The following CACNA1I variants were observed in gnomAD, a reference collection of about 807,000 sequenced individuals.
CACNA1I encodes the protein calcium voltage-gated channel subunit alpha1 I.
A neutral mutation model predicts 201.6 loss-of-function variants in CACNA1I; 74 were observed. The ratio of observed to expected loss-of-function variants is 0.37; its 90% CI spans 0.30 to 0.45. CACNA1I has a LOEUF of 0.45. CACNA1I is among the 20% of genes least tolerant of loss of function. CACNA1I has a pLI of 1.00. For missense variants in CACNA1I, 2,346 were observed against 3,138.1 expected (o/e 0.75, Z 6.03); for synonymous variants, 1,431 against 1,345.2 (o/e 1.06, Z -1.40).
At chr22:39,578,202 C>A (rs923177583) in intron 1 of CACNA1I, among the ~76,000 whole-genome samples, 2 of 152,060 alleles carry the variant, frequency 1.3e-5, no homozygotes, top group Non-Finnish European at 2.9e-5. Context: ...TGCAGAAGAC[C>A]TCCTCCCATC....
In CACNA1I at chr22:39,677,179, T is replaced by C. The variant is rs1340598243; in HGVS notation, c.4855-162T>C. 2.6e-5 allele frequency among the ~76,000 whole-genome samples: 4 copies of C among 152,152 alleles called. No homozygotes were observed. The highest frequency in any genetic ancestry group is 5.9e-5 in the Non-Finnish European group (4 of 68,022). ...TGCTGGACCCAGCCTGCCCTCCAGG[T>C]CCTGTAGGGGTGGCAGACGTGGACA... is the stretch of plus-strand genomic sequence containing the variant. On this transcript the variant is annotated intron_variant, in intron 29 of 36. Transcript: ENST00000402142. This position sits in a 1 kb window ranked among gnomAD's most constrained non-coding sequence, Gnocchi z 4.8.
intron 1 of CACNA1I, among the ~76,000 whole-genome samples, chr22:39,588,150 T>G: frequency 7.0e-6 from 1 of 143,490 alleles, no homozygotes; most frequent in African/African-American, 2.7e-5. Flanking sequence ...TTTTTTTTTT[T>G]GAGACAAAGT....
chr22:39,682,324 A>G (rs995754307), intron 34 of CACNA1I, among the ~76,000 whole-genome samples, 172 bp from the exon 35 acceptor site: 2 of 152,146 alleles, frequency 1.3e-5, no homozygotes, highest in African/African-American at 4.8e-5. Context: ...TCGGAGGTGG[A>G]TTCCTTTCAC....
chr22:39,680,439 G>T (rs1935669583), intron 33 of CACNA1I, among the ~76,000 whole-genome samples: 1 of 152,154 alleles, frequency 6.6e-6, no homozygotes, highest in African/African-American at 2.4e-5. Flanking sequence ...TGCAGGGCAG[G>T]TCCCCAGGAA....
intron 4 of CACNA1I, among the ~76,000 whole-genome samples, chr22:39,625,341 G>A (rs765804975): frequency 3.9e-5 from 6 of 152,110 alleles, no homozygotes; most frequent in South Asian, 2.1e-4. Context: ...GGTTGCCTGC[G>A]GTTTAAAAAT....
chr22:39,578,485 G>A (rs368445261), intron 1 of CACNA1I, among the ~76,000 whole-genome samples: 30 of 152,084 alleles, frequency 2.0e-4, no homozygotes, highest in East Asian at 1.7e-3. Flanking sequence ...CCCACGTGAC[G>A]ACTGGTACCA....
intron 1 of CACNA1I, among the ~76,000 whole-genome samples, chr22:39,572,407 A>G (rs952422741): frequency 2.0e-5 from 3 of 152,058 alleles, no homozygotes; most frequent in Non-Finnish European, 4.4e-5. Flanking sequence ...GAATCCAGGG[A>G]TGCCAGATGC....
At chr22:39,588,287 C>A (rs1382348039) in intron 1 of CACNA1I, among the ~76,000 whole-genome samples, 8 of 151,528 alleles carry the variant, frequency 5.3e-5, no homozygotes, top group Admixed American at 4.6e-4. Flanking sequence ...TACATGCCGG[C>A]AAACTCAGCT....
chr22:39,592,091 G>A (rs1003930631), intron 1 of CACNA1I, among the ~76,000 whole-genome samples: 3 of 152,222 alleles, frequency 2.0e-5, no homozygotes, highest in Non-Finnish European at 4.4e-5. Flanking sequence ...GGCCCAGGCT[G>A]TGCTGAGGCG....
chr22:39,574,372 G>C (rs977764670), intron 1 of CACNA1I, among the ~76,000 whole-genome samples: 14 of 152,114 alleles, frequency 9.2e-5, no homozygotes, highest in Non-Finnish European at 2.9e-5. Context: ...GGCCAAGGAG[G>C]GTTCCACAAA....
At chr22:39,671,845 C>T (rs1453045633) in intron 26 of CACNA1I, among the ~76,000 whole-genome samples, 3 of 152,150 alleles carry the variant, frequency 2.0e-5, no homozygotes, top group Admixed American at 6.5e-5. Context: ...TGCATACCAG[C>T]TTTCTAAGAT....
intron 1 of CACNA1I, among the ~76,000 whole-genome samples, chr22:39,595,203 T>G (rs1445410501): frequency 2.7e-5 from 4 of 150,482 alleles, no homozygotes; most frequent in African/African-American, 9.8e-5. Context: ...GCAAGGGAAT[T>G]GCCTGAACCT....
At chr22:39,575,690 C>T (rs1461186856) in intron 1 of CACNA1I, among the ~76,000 whole-genome samples, 1 of 152,150 alleles carries the variant, frequency 6.6e-6, no homozygotes, top group African/African-American at 2.4e-5. Flanking sequence ...AGCAGGGCAC[C>T]TCTGGCAGCT....
At chr22:39,661,939 C>T in intron 16 of CACNA1I, 26 bp from the exon 17 acceptor site, 1 of 1,450,100 alleles carries the variant, frequency 6.9e-7, no homozygotes. Flanking sequence ...CTGTGGGGCG[C>T]TGACCCGAAC....
At chr22:39,669,052 C>T (rs1177612498) in intron 24 of CACNA1I, among the ~76,000 whole-genome samples, 2 of 152,036 alleles carry the variant, frequency 1.3e-5, no homozygotes, top group African/African-American at 2.4e-5. Context: ...TAGCAGGGGT[C>T]CCTCTGGGGC....
rs192459245 is a variant in CACNA1I at position 39,655,921 on chromosome 22, C to T, written c.1993-2231C>T. Among the ~76,000 whole-genome samples, 277 of 152,290 alleles carry T rather than the reference C, an allele frequency of 1.8e-3. 1 individual carries two copies. The highest frequency in any genetic ancestry group is 3.3e-3 in the Non-Finnish European group (224 of 68,032). Reference sequence around the variant, plus strand: ...CCTGCATCCCTGGTAGGAGTGTGTGCGTGGCGCGCGCGGCTGGAGCCAGCT... The same window carrying T: ...CCTGCATCCCTGGTAGGAGTGTGTGTGTGGCGCGCGCGGCTGGAGCCAGCT... On this transcript the variant is annotated intron_variant, in intron 10 of 36. Coordinates refer to ENST00000402142, the MANE Select transcript of CACNA1I (RefSeq NM_021096.4).
At chr22:39,597,791 A>G (rs1291145013) in intron 1 of CACNA1I, among the ~76,000 whole-genome samples, 2 of 152,184 alleles carry the variant, frequency 1.3e-5, no homozygotes, top group Admixed American at 6.5e-5. Flanking sequence ...GGAGGCAGTG[A>G]CAGTCAGAGG....
chr22:39,685,807 C>T lies in CACNA1I; in HGVS notation c.6074C>T (p.Ala2025Val), dbSNP rs1320658468. The change falls in exon 37 of 37, where the codon GCG becomes GTG. Residue 2025 changes from alanine to valine, a missense_variant. This residue lies in a region of CACNA1I where 441 missense variants were observed against 555.6 expected (regional missense o/e 0.79). Coordinates refer to ENST00000402142, the MANE Select transcript of CACNA1I (RefSeq NM_021096.4). The surrounding 1 kb of genome is among the most constrained non-coding windows in gnomAD (Gnocchi z 5.0). ...TSLDASPSSS[A>V]GSLQTTLEDS... Reference sequence around the variant, plus strand: ...CTGGACGCCAGCCCCAGCAGCTCCGCGGGCAGCCTGCAGACCACGCTCGAG... The same window carrying T: ...CTGGACGCCAGCCCCAGCAGCTCCGTGGGCAGCCTGCAGACCACGCTCGAG... 24 of 1,495,678 alleles carry T rather than the reference C, an allele frequency of 1.6e-5. No homozygotes were observed. Among genetic ancestry groups the T allele is most frequent in the Admixed American group, 6.4e-5 (3 of 47,114 alleles). 92.7% of individuals were successfully genotyped at this position (1,495,678 alleles called of 1,614,324 possible). A position where few individuals can be genotyped will look rare whatever the true frequency, so the allele number is the denominator to read the frequency against.
intron 4 of CACNA1I, among the ~76,000 whole-genome samples, chr22:39,630,156 C>G (rs1052350633): frequency 6.6e-6 from 1 of 152,176 alleles, no homozygotes; most frequent in Non-Finnish European, 1.5e-5. Context: ...ACTCTGCCAC[C>G]CCTTCCCTGT....
Sources: allele counts gnomAD v4.1 joint callset (sites outside exome capture counted in the v4.1 genomes callset), GRCh38; gene constraint gnomAD v4.1.1; regional missense constraint gnomAD v4.1.1; non-coding constraint Gnocchi (gnomAD v3.1); transcripts MANE v1.5; gene names NCBI Gene and HGNC (gene_info 2026-07-23, HGNC 2026-07-21).